GRIN2B: variants seen among roughly 807,000 people sequenced by gnomAD.
GRIN2B encodes glutamate ionotropic receptor NMDA type subunit 2B, also known as glutamate receptor ionotropic, NMDA 2B.
GRIN2B carries 5 observed loss-of-function variants against 114.5 expected under a neutral mutation model. The ratio of observed to expected loss-of-function variants is 0.04; its 90% CI spans 0.02 to 0.09. The LOEUF (loss-of-function observed/expected upper bound fraction) is 0.09. Ranked by LOEUF, GRIN2B falls within the 10% of genes least tolerant of loss-of-function variation. GRIN2B has a pLI of 1.00. For missense variants in GRIN2B, 1,108 were observed against 1,943.5 expected (o/e 0.57, Z 8.08); for synonymous variants, 787 against 745.1 (o/e 1.06, Z -0.92).
intron 4 of GRIN2B, among the ~76,000 whole-genome samples, chr12:13,686,812 G>T (rs1950177287): frequency 6.6e-6 from 1 of 152,080 alleles, no homozygotes; most frequent in African/African-American, 2.4e-5. Context: ...GTCCATCCAA[G>T]CAAGGATGTG....
chr12:13,719,302 T>G (rs572399748), intron 4 of GRIN2B, among the ~76,000 whole-genome samples: 15 of 152,152 alleles, frequency 9.9e-5, no homozygotes, highest in African/African-American at 3.6e-4. Context: ...TTTTTCCCAG[T>G]TGAATAAACA....
At chr12:13,888,507 G>A (rs117169524) in intron 2 of GRIN2B, among the ~76,000 whole-genome samples, 8,941 of 151,902 alleles carry the variant, frequency 0.059, 357 homozygotes, top group Middle Eastern at 0.12. Context: ...ACTGAGGTGC[G>A]TGGATCACTG....
intron 4 of GRIN2B, among the ~76,000 whole-genome samples, chr12:13,695,978 A>T (rs1485173050): frequency 1.3e-5 from 2 of 152,238 alleles, no homozygotes; most frequent in East Asian, 3.9e-4. Context: ...CTGCAGGGAG[A>T]ATAAGTATAG....
At chr12:13,671,429 A>T (rs1950021144) in intron 5 of GRIN2B, among the ~76,000 whole-genome samples, 1 of 152,176 alleles carries the variant, frequency 6.6e-6, no homozygotes, top group Non-Finnish European at 1.5e-5. Context: ...AGGGAACAAA[A>T]TGTGTAAGAC....
At chr12:13,857,753 T>C (rs1865688206) in intron 3 of GRIN2B, among the ~76,000 whole-genome samples, 1 of 152,140 alleles carries the variant, frequency 6.6e-6, no homozygotes, top group Non-Finnish European at 1.5e-5. Context: ...TTTCCCCCCT[T>C]GTCACCTCCA....
At chr12:13,968,580 T>C (rs12823982) in intron 2 of GRIN2B, among the ~76,000 whole-genome samples, 19,781 of 152,224 alleles carry the variant, frequency 0.13, 1,549 homozygotes, top group Middle Eastern at 0.25. Context: ...AAAGGCCTTT[T>C]TAAAATATGC....
intron 2 of GRIN2B, among the ~76,000 whole-genome samples, chr12:13,940,790 A>T (rs776454816): frequency 6.6e-6 from 1 of 152,120 alleles, no homozygotes; most frequent in Non-Finnish European, 1.5e-5. Context: ...TAAATAAGCC[A>T]TTCTGTAACG....
intron 2 of GRIN2B, among the ~76,000 whole-genome samples, chr12:13,877,828 G>A (rs893489096): frequency 5.9e-5 from 9 of 151,968 alleles, no homozygotes; most frequent in South Asian, 2.1e-4. Context: ...TTTGGGAGGC[G>A]GAAGCAGGCG....
At chr12:13,688,622 C>A (rs963359964) in intron 4 of GRIN2B, among the ~76,000 whole-genome samples, 4 of 152,128 alleles carry the variant, frequency 2.6e-5, no homozygotes, top group Non-Finnish European at 5.9e-5. Flanking sequence ...AGATCGTGCT[C>A]TGGAAGGAAG....
At chr12:13,580,791 T>C (rs1388965373) in intron 10 of GRIN2B, among the ~76,000 whole-genome samples, 2 of 152,206 alleles carry the variant, frequency 1.3e-5, no homozygotes, top group African/African-American at 4.8e-5. Context: ...CACAAAACAA[T>C]TCCATTTCTC....
intron 10 of GRIN2B, among the ~76,000 whole-genome samples, chr12:13,596,235 G>T (rs1380169151): frequency 6.6e-6 from 1 of 152,152 alleles, no homozygotes; most frequent in Non-Finnish European, 1.5e-5. Context: ...TCCAAAAAAG[G>T]TGGAGTCCCA....
chr12:13,829,244 A>G (rs1356010316), intron 3 of GRIN2B, among the ~76,000 whole-genome samples: 2 of 152,198 alleles, frequency 1.3e-5, no homozygotes, highest in East Asian at 1.9e-4. Flanking sequence ...ACTGTCTAAA[A>G]TAATTGTTTA....
Position 13,548,891 on chromosome 12 carries a change from GATCAGTACACTCTGAAGTTGATGGT to G in GRIN2B, c.*13867_*13891del, listed in dbSNP as rs1244767777. 3.9e-5 allele frequency: 6 copies of G among 151,982 alleles called. No individual in the cohort carries two copies. The highest frequency in any genetic ancestry group is 1.5e-4 in the African/African-American group (6 of 41,354). 9.4% of individuals were successfully genotyped at this position (151,982 alleles called of 1,614,324 possible). On this transcript the variant is annotated 3_prime_UTR_variant, in exon 14 of 14. Transcript: ENST00000609686. ...CTAGCCTCCTGAACCAGGCTCCGGG[GATCAGTACACTCTGAAGTTGATGGT>G]ATAGAAGTCTCCTCACTCATTCATC...
rs78055033 is a variant in GRIN2B, at chr12:13,804,424, C to T, written c.412-50509G>A. On this transcript the variant is annotated intron_variant, in intron 3 of 13. Transcript: ENST00000609686. ...TCATTTAGGGTTCACTATGATCAAC[C>T]CCATCTATTTTTAGTCCTGTCTCTT... 3.8e-3 allele frequency among the ~76,000 whole-genome samples: 577 copies of T among 152,060 alleles called. 3 individuals carry two copies. The highest frequency in any genetic ancestry group is 0.013 in the African/African-American group (542 of 41,488).
At chr12:13,749,515 AGAG>A (rs1591710330) in intron 4 of GRIN2B, among the ~76,000 whole-genome samples, 1 of 152,350 alleles carries the variant, frequency 6.6e-6, no homozygotes. Context: ...GCAGTTGCTG[AGAG>A]GAGAATAGCA....
chr12:13,767,018 A>C (rs1863805300), intron 3 of GRIN2B, among the ~76,000 whole-genome samples: 1 of 152,162 alleles, frequency 6.6e-6, no homozygotes, highest in African/African-American at 2.4e-5. Context: ...ACACTTTGGG[A>C]GGCCGAGGCG....
chr12:13,570,041 A>G (rs768830764), intron 11 of GRIN2B, 24 bp from the exon 12 acceptor site: 1 of 1,553,648 alleles, frequency 6.4e-7, no homozygotes, highest in Non-Finnish European at 8.9e-7. Flanking sequence ...AAGCAAACAA[A>G]TCCAATGGAG....
intron 3 of GRIN2B, among the ~76,000 whole-genome samples, chr12:13,843,642 T>C (rs1237955323): frequency 6.6e-6 from 1 of 152,172 alleles, no homozygotes; most frequent in African/African-American, 2.4e-5. Context: ...CAGAAGACAA[T>C]TTAGGGCTAG....
intron 10 of GRIN2B, among the ~76,000 whole-genome samples, chr12:13,606,628 C>T (rs1242365662): frequency 6.6e-6 from 1 of 152,130 alleles, no homozygotes; most frequent in Non-Finnish European, 1.5e-5. Context: ...TACCCTAAGC[C>T]ACAACCAAGT....
Sources: gnomAD v4.1 joint callset for allele counts (sites outside exome capture counted in the v4.1 genomes callset) on GRCh38, gnomAD v4.1.1 for gene constraint, MANE v1.5 for transcripts, NCBI Gene and HGNC (gene_info 2026-07-23, HGNC 2026-07-21) for gene names.